KAZN: variants seen among roughly 807,000 people sequenced by gnomAD.
KAZN encodes kazrin, periplakin interacting protein.
Under a neutral mutation model 87.4 loss-of-function variants are expected in KAZN, and 40 were observed. The observed-to-expected ratio is 0.46, with a 90% confidence interval of 0.36 to 0.60. The LOEUF is 0.60. Ranked by LOEUF, KAZN falls within the 20% of genes least tolerant of loss-of-function variation. The pLI is 0.00. For missense variants in KAZN, 898 were observed against 1,073.9 expected (o/e 0.84, Z 2.29); for synonymous variants, 466 against 458.3 (o/e 1.02, Z -0.22).
In KAZN at chr1:15,114,573, C is replaced by G; in HGVS notation, c.2266C>G (p.Gln756Glu). 1 of 1,606,020 alleles carries G rather than the reference C, an allele frequency of 6.2e-7. No homozygotes were observed. Among genetic ancestry groups the G allele is most frequent in the South Asian group, 1.1e-5 (1 of 89,348 alleles). The change falls in exon 15 of 15, where the codon CAG becomes GAG. Residue 756 changes from glutamine (Q) to glutamate (E), a missense_variant. Coordinates refer to ENST00000376030, the MANE Select transcript of KAZN (RefSeq NM_201628.3). ...CGAAGATTGCGGAGACGATGACCCC[C>G]AGAGCAGGCTGGAACAGTGCCGTCT... ...QNEDCGDDDP[Q>E]SRLEQCRLEG...
intron 2 of KAZN, among the ~76,000 whole-genome samples, chr1:14,226,621 A>G (rs1443667915): frequency 6.6e-6 from 1 of 152,206 alleles, no homozygotes; most frequent in Non-Finnish European, 1.5e-5. Flanking sequence ...TCGCAGCACT[A>G]TTCAGAATAG....
At chr1:14,401,881 C>G (rs79026104) in intron 2 of KAZN, among the ~76,000 whole-genome samples, 2 of 151,924 alleles carry the variant, frequency 1.3e-5, no homozygotes, top group Non-Finnish European at 2.9e-5. Context: ...GCTGCTGGAA[C>G]CTAAAAGCAA....
intron 2 of KAZN, among the ~76,000 whole-genome samples, chr1:14,313,062 TGC>T (rs1655411772): frequency 6.6e-6 from 1 of 152,132 alleles, no homozygotes; most frequent in Non-Finnish European, 1.5e-5. Flanking sequence ...TAATACAACA[TGC>T]ATAGAGAAAT....
intron 1 of KAZN, among the ~76,000 whole-genome samples, chr1:14,641,525 C>G (rs560219147): frequency 1.3e-5 from 2 of 152,140 alleles, no homozygotes; most frequent in Non-Finnish European, 2.9e-5. Flanking sequence ...ACCATGCCTG[C>G]GGTGTGGCCT....
chr1:14,924,511 C>A, intron 1 of KAZN: 1 of 1,002,256 alleles, frequency 1.0e-6, no homozygotes, highest in African/African-American at 1.8e-5. Flanking sequence ...CGGCGGGGCC[C>A]GGCGATCGGC....
intron 2 of KAZN, among the ~76,000 whole-genome samples, chr1:14,262,430 G>C (rs1651126475): frequency 6.6e-6 from 1 of 152,110 alleles, no homozygotes; most frequent in South Asian, 2.1e-4. Flanking sequence ...AATAGCTTTG[G>C]CAATTGCCGC....
chr1:14,549,833 A>T (rs1429637184), intron 2 of KAZN, among the ~76,000 whole-genome samples: 1 of 152,046 alleles, frequency 6.6e-6, no homozygotes, highest in Non-Finnish European at 1.5e-5. Context: ...ATGATTGCCA[A>T]CTTCCTCAGC....
rs574864919 is a variant in KAZN at position 15,095,059 on chromosome 1, T to G, written c.1547+126T>G. On this transcript the variant is annotated intron_variant, in intron 10 of 14. Coordinates refer to ENST00000376030, the MANE Select transcript of KAZN (RefSeq NM_201628.3). ...GTGGTGGGGGACAGCAGGGTGTGACTAAGATGGTCCGGGGATGCCCCTGAT... is the reference window on the plus strand; with the variant it reads ...GTGGTGGGGGACAGCAGGGTGTGACGAAGATGGTCCGGGGATGCCCCTGAT... 12 of 678,456 alleles carry G rather than the reference T, an allele frequency of 1.8e-5. No homozygotes were observed. In the Admixed American group the frequency reaches 2.8e-4, roughly 16 times the overall value. The allele number at this position is 678,456 out of a possible 1,614,324, so 42.0% of individuals were successfully genotyped here.
chr1:14,656,716 G>A (rs539899269), intron 1 of KAZN, among the ~76,000 whole-genome samples: 16 of 152,288 alleles, frequency 1.1e-4, no homozygotes, highest in South Asian at 1.0e-3. Flanking sequence ...GGCGCTACGC[G>A]CTTTTAAACC....
chr1:14,313,966 A>G (rs1162665563), intron 2 of KAZN, among the ~76,000 whole-genome samples: 5 of 152,166 alleles, frequency 3.3e-5, no homozygotes, highest in East Asian at 1.9e-4. Context: ...AATTACAATC[A>G]TAATTGCCTA....
chr1:14,054,615 A>G (rs1333528877), intron 1 of KAZN, among the ~76,000 whole-genome samples: 1 of 152,258 alleles, frequency 6.6e-6, no homozygotes, highest in Non-Finnish European at 1.5e-5. Flanking sequence ...TTAATAAAAG[A>G]GATGACATAA....
At chr1:14,809,889 C>T (rs1026423539) in intron 1 of KAZN, among the ~76,000 whole-genome samples, 10 of 152,280 alleles carry the variant, frequency 6.6e-5, no homozygotes, top group African/African-American at 2.4e-4. Context: ...CCACCATCAA[C>T]TCTGCCAAGG....
rs572306800 is a variant in KAZN at position 13,917,564 on chromosome 1, G to T, written c.91+23808G>T. On this transcript the variant is annotated intron_variant, in intron 1 of 16. Coordinates refer to the KAZN transcript ENST00000636203. Reference sequence around the variant, plus strand: ...TAATCCCAGCATTTTGGGAGGCGGAGTTGGGAGGATCACTTGAGCCCAGGA... The same window carrying T: ...TAATCCCAGCATTTTGGGAGGCGGATTTGGGAGGATCACTTGAGCCCAGGA... Among the ~76,000 whole-genome samples, 16 of 152,274 alleles carry T rather than the reference G, an allele frequency of 1.1e-4. No homozygotes were observed. The South Asian group carries it at 2.5e-3, about 24-fold the overall frequency.
At chr1:14,040,457 G>C (rs1641776597) in intron 1 of KAZN, among the ~76,000 whole-genome samples, 2 of 152,114 alleles carry the variant, frequency 1.3e-5, no homozygotes, top group Admixed American at 1.3e-4. Flanking sequence ...ACTTTCCTAA[G>C]GGTCTTTAAG....
At chr1:15,070,470 T>A (rs1456854296) in intron 8 of KAZN, among the ~76,000 whole-genome samples, 1 of 152,052 alleles carries the variant, frequency 6.6e-6, no homozygotes, top group Non-Finnish European at 1.5e-5. Context: ...GAGCTGCAGA[T>A]CCTGAGGGGT....
chr1:14,714,802 T>TC (rs1378878804), intron 1 of KAZN, among the ~76,000 whole-genome samples: 5 of 148,942 alleles, frequency 3.4e-5, no homozygotes, highest in African/African-American at 1.2e-4. Context: ...TTTTTGTTTT[T>TC]TTTTTTTTTT....
At chr1:14,267,696 A>G (rs908675290) in intron 2 of KAZN, among the ~76,000 whole-genome samples, 16 of 152,316 alleles carry the variant, frequency 1.1e-4, no homozygotes, top group African/African-American at 3.6e-4. Flanking sequence ...TAATGTGTGC[A>G]GGCACTCACG....
chr1:13,987,200 C>T (rs12067295), intron 1 of KAZN, among the ~76,000 whole-genome samples: 23,777 of 151,884 alleles, frequency 0.16, 2,050 homozygotes, highest in Middle Eastern at 0.18. Flanking sequence ...ATGCACAGAA[C>T]GTGCAGGTTT....
chr1:14,112,581 A>G (rs1299412985), intron 1 of KAZN, among the ~76,000 whole-genome samples: 1 of 152,090 alleles, frequency 6.6e-6, no homozygotes, highest in East Asian at 1.9e-4. Flanking sequence ...GTGTAGGGGG[A>G]AACTGTGACT....
Sources: gnomAD v4.1 joint callset for allele counts (sites outside exome capture counted in the v4.1 genomes callset) on GRCh38, gnomAD v4.1.1 for gene constraint, MANE v1.5 for transcripts, NCBI Gene and HGNC (gene_info 2026-07-23, HGNC 2026-07-21) for gene names.